The following CRB1 variants were observed in gnomAD, a reference collection of about 807,000 sequenced individuals.
CRB1 encodes crumbs cell polarity complex component 1.
CRB1 carries 83 observed loss-of-function variants against 120.0 expected under a neutral mutation model. The observed-to-expected ratio is 0.69, with a 90% CI of 0.58 to 0.83. CRB1 has a LOEUF of 0.83. Ranked by LOEUF, CRB1 falls within the 40% of genes least tolerant of loss-of-function variation. The probability of loss-of-function intolerance (pLI) is 0.00; values close to 1 mark genes in which losing one functional copy is unlikely to be tolerated. For missense variants in CRB1, 1,699 were observed against 1,687.6 expected (o/e 1.01, Z -0.12); for synonymous variants, 625 against 612.5 (o/e 1.02, Z -0.30).
At chr1:197,370,387 C>A (rs1661309967) in intron 5 of CRB1, among the ~76,000 whole-genome samples, 2 of 152,166 alleles carry the variant, frequency 1.3e-5, no homozygotes, top group South Asian at 4.1e-4. Flanking sequence ...TTCTACTCAT[C>A]AGCACATGGA....
At chr1:197,326,689 T>C (rs548571747) in intron 1 of CRB1, among the ~76,000 whole-genome samples, 18 of 152,036 alleles carry the variant, frequency 1.2e-4, no homozygotes, top group African/African-American at 4.3e-4. Context: ...TTAAATATTT[T>C]CTTGCAAAAA....
intron 5 of CRB1, among the ~76,000 whole-genome samples, chr1:197,363,555 A>T (rs1660895609): frequency 6.6e-6 from 1 of 152,214 alleles, no homozygotes; most frequent in Admixed American, 6.5e-5. Context: ...GTTTCAAATG[A>T]GAAATCTGCT....
At chr1:197,260,704 T>G in the CRB1 span, among the ~76,000 whole-genome samples, 17 of 152,002 alleles carry the variant, frequency 1.1e-4, no homozygotes, top group African/African-American at 4.1e-4. Flanking sequence ...AACTAATTTT[T>G]TTTTTTTTTT....
chr1:197,411,338 G>T (rs973121174), intron 5 of CRB1, among the ~76,000 whole-genome samples: 6 of 152,148 alleles, frequency 3.9e-5, no homozygotes, highest in African/African-American at 1.4e-4. Context: ...ATATTTCAAA[G>T]ATAAGTTGAG....
chr1:197,464,862 A>G (rs1666686132), intron 11 of CRB1, among the ~76,000 whole-genome samples: 2 of 152,200 alleles, frequency 1.3e-5, no homozygotes, highest in South Asian at 4.1e-4. Flanking sequence ...GCTGCTTAGA[A>G]AACAGAGAAC....
At chr1:197,417,302 C>G (rs561246322) in intron 5 of CRB1, among the ~76,000 whole-genome samples, 1 of 152,218 alleles carries the variant, frequency 6.6e-6, no homozygotes, top group Admixed American at 6.5e-5. Flanking sequence ...CCCGAGGTGT[C>G]AGGAAAGAGA....
the CRB1 span, among the ~76,000 whole-genome samples, chr1:197,260,427 A>G: frequency 1.3e-5 from 2 of 152,016 alleles, no homozygotes; most frequent in African/African-American, 4.8e-5. Context: ...ACAAAATTTT[A>G]AGAAATTTTA....
chr1:197,429,566 C>T lies in CRB1; in HGVS notation c.2794C>T (p.Pro932Ser). ...CEEVQWCGFS[P>S]CPHGAQCQPV... ...GGAGGTTCAGTGGTGTGGATTCAGCCCGTGTCCTCACGGAGCCCAGTGCCA... is the reference window on the plus strand; with the variant it reads ...GGAGGTTCAGTGGTGTGGATTCAGCTCGTGTCCTCACGGAGCCCAGTGCCA... Residue 932 changes from proline (P) to serine (S), a missense_variant, in exon 8 of 12, where the codon CCG (proline) becomes TCG (serine). By Grantham distance (74) the Pro-to-Ser change is moderately conservative (BLOSUM62 -1). Transcript: ENST00000367400. 1 of 1,613,928 alleles carries T rather than the reference C, an allele frequency of 6.2e-7. No homozygotes were observed. Among genetic ancestry groups the T allele is most frequent in the South Asian group, 1.1e-5 (1 of 91,064 alleles).
chr1:197,224,219 C>T, the CRB1 span, among the ~76,000 whole-genome samples: 12 of 152,044 alleles, frequency 7.9e-5, no homozygotes, highest in Admixed American at 7.9e-4. Flanking sequence ...AGAGGAACTT[C>T]CTGGGGACCC....
chr1:197,355,397 ACTC>A (rs1416616210), intron 4 of CRB1, among the ~76,000 whole-genome samples: 1 of 152,196 alleles, frequency 6.6e-6, no homozygotes, highest in East Asian at 1.9e-4. Context: ...GTGCGCTGGC[ACTC>A]CTCAGCCCTT....
chr1:197,378,356 A>G (rs991160833), intron 5 of CRB1, among the ~76,000 whole-genome samples: 4 of 152,166 alleles, frequency 2.6e-5, no homozygotes, highest in African/African-American at 7.2e-5. Flanking sequence ...TTACTATTAC[A>G]TTTTCCCAGG....
At chr1:197,240,435 T>G in the CRB1 span, among the ~76,000 whole-genome samples, 2 of 152,186 alleles carry the variant, frequency 1.3e-5, no homozygotes, top group South Asian at 4.1e-4. Context: ...TTCTTATTCT[T>G]CAACTCCCAT....
At chr1:197,261,975 T>C in the CRB1 span, among the ~76,000 whole-genome samples, 2 of 152,176 alleles carry the variant, frequency 1.3e-5, no homozygotes, top group Non-Finnish European at 2.9e-5. Context: ...GATAAATCTT[T>C]GTACTCTTAT....
chr1:197,456,062 G>A (rs1180724052), intron 11 of CRB1, among the ~76,000 whole-genome samples: 2 of 152,038 alleles, frequency 1.3e-5, no homozygotes, highest in Non-Finnish European at 2.9e-5. Context: ...CTACAAATAT[G>A]TTACTTTTAT....
At chr1:197,324,580 T>A (rs947645440) in intron 1 of CRB1, among the ~76,000 whole-genome samples, 19 of 152,152 alleles carry the variant, frequency 1.2e-4, no homozygotes, top group Non-Finnish European at 5.9e-5. Context: ...ATTTAACCCT[T>A]TATAACAACT....
intron 5 of CRB1, among the ~76,000 whole-genome samples, chr1:197,412,292 G>T (rs530698851): frequency 1.3e-5 from 2 of 152,284 alleles, no homozygotes; most frequent in Non-Finnish European, 2.9e-5. Context: ...AAAAAAGTTG[G>T]TGAAACTCCT....
intron 1 of CRB1, among the ~76,000 whole-genome samples, chr1:197,286,881 A>G (rs1655856516): frequency 6.6e-6 from 1 of 151,896 alleles, no homozygotes; most frequent in African/African-American, 2.4e-5. Flanking sequence ...TTATTTAAGC[A>G]TTTGACTTAT....
At chr1:197,259,513 C>T in the CRB1 span, among the ~76,000 whole-genome samples, 3 of 152,078 alleles carry the variant, frequency 2.0e-5, no homozygotes, top group African/African-American at 7.2e-5. Context: ...AAACAACATA[C>T]ACCAGTCCTG....
At chr1:197,221,498 T>C in the CRB1 span, among the ~76,000 whole-genome samples, 1 of 152,210 alleles carries the variant, frequency 6.6e-6, no homozygotes, top group Admixed American at 6.5e-5. Flanking sequence ...TTCAGTTCTT[T>C]CTGAAAAATA....
Sources: gnomAD v4.1 joint callset for allele counts (sites outside exome capture counted in the v4.1 genomes callset) on GRCh38, gnomAD v4.1.1 for gene constraint, MANE v1.5 for transcripts, NCBI Gene and HGNC (gene_info 2026-07-23, HGNC 2026-07-21) for gene names.